Variants in JAK1 observed in about 807,000 individuals in gnomAD.
JAK1 encodes Janus kinase 1.
A neutral mutation model predicts 136.6 loss-of-function variants in JAK1; 16 were observed. That is an observed-to-expected ratio of 0.12 (90% CI 0.08 to 0.18). The LOEUF (loss-of-function observed/expected upper bound fraction) is 0.18. Ranked by LOEUF, JAK1 falls within the 10% of genes least tolerant of loss-of-function variation. The probability of loss-of-function intolerance (pLI) is 1.00; values close to 1 mark genes in which losing one functional copy is unlikely to be tolerated. For synonymous variants in JAK1, 492 were observed against 519.5 expected (o/e 0.95, Z 0.72); for missense variants, 859 against 1,450.1 (o/e 0.59, Z 6.62).
At chr1:64,938,152 CAA>C (rs2100497461) in intron 1 of JAK1, among the ~76,000 whole-genome samples, 1 of 149,916 alleles carries the variant, frequency 6.7e-6, no homozygotes, top group South Asian at 2.1e-4. Flanking sequence ...AGGAGAATGT[CAA>C]AGTCTTTAAG....
chr1:64,883,549 T>A, intron 2 of JAK1, 74 bp from the exon 3 acceptor site: 1 of 1,323,702 alleles, frequency 7.6e-7, no homozygotes, highest in Non-Finnish European at 1.1e-6. Context: ...GGGAGTGTTC[T>A]GAAGGTAAAA....
chr1:65,061,014 T>C (rs952775110), intron 1 of JAK1, among the ~76,000 whole-genome samples: 4 of 152,230 alleles, frequency 2.6e-5, no homozygotes, highest in Non-Finnish European at 4.4e-5. Flanking sequence ...ACTTCTTCTA[T>C]GTTAAAAATG....
At chr1:65,040,781 C>T (rs186522500) in intron 2 of JAK1, among the ~76,000 whole-genome samples, 16 of 152,004 alleles carry the variant, frequency 1.1e-4, no homozygotes, top group Admixed American at 5.2e-4. Context: ...AGGCATTTTG[C>T]GAGGGGCAAG....
At chr1:64,928,474 G>A (rs558926406) in intron 1 of JAK1, among the ~76,000 whole-genome samples, 81 of 152,222 alleles carry the variant, frequency 5.3e-4, no homozygotes, top group Non-Finnish European at 7.1e-4. Flanking sequence ...GCATTCATGT[G>A]CCTACACAAA....
intron 1 of JAK1, among the ~76,000 whole-genome samples, chr1:64,919,111 C>T (rs1645450669): frequency 6.6e-6 from 1 of 152,062 alleles, no homozygotes; most frequent in African/African-American, 2.4e-5. Flanking sequence ...TGGTGTGCTG[C>T]ACCTGTTAAC....
In JAK1 at chr1:64,838,491, G is replaced by A; in HGVS notation, c.2941C>T (p.Leu981=). The A allele has an allele frequency of 6.2e-7, 1 of 1,613,944 alleles. No individual in the cohort carries two copies. The highest frequency in any genetic ancestry group is 8.5e-7 in the Non-Finnish European group (1 of 1,179,892). The change falls in exon 21 of 25, where the codon CTA becomes TTA. Residue 981 remains leucine, a synonymous_variant. Coordinates refer to ENST00000342505, the MANE Select transcript of JAK1 (RefSeq NM_002227.4). ...NKNKINLKQQ[L]KYAVQICKGM... The stretch of plus-strand genomic sequence containing the variant: ...TTACAAATCTGAACGGCATATTTTA[G>A]CTGCTGTTTGAGGTTTATTTTGTTC...
At chr1:64,952,923 G>A (rs1228570140) in intron 1 of JAK1, among the ~76,000 whole-genome samples, 1 of 152,178 alleles carries the variant, frequency 6.6e-6, no homozygotes, top group Non-Finnish European at 1.5e-5. Flanking sequence ...TACAGATGAG[G>A]AAACTGAGGC....
At chr1:65,029,275 T>C (rs1557765167) in intron 2 of JAK1, among the ~76,000 whole-genome samples, 1 of 152,148 alleles carries the variant, frequency 6.6e-6, no homozygotes, top group South Asian at 2.1e-4. Context: ...TTTTTTTGTA[T>C]TTTTTGTAGA....
At chr1:65,056,485 GA>G (rs2100875553) in intron 1 of JAK1, among the ~76,000 whole-genome samples, 1 of 152,272 alleles carries the variant, frequency 6.6e-6, no homozygotes, top group South Asian at 2.1e-4. Flanking sequence ...GGATAAGAAA[GA>G]ACCTCTCTGT....
At chr1:64,874,517 T>C (rs1657275885) in intron 4 of JAK1, among the ~76,000 whole-genome samples, 1 of 152,112 alleles carries the variant, frequency 6.6e-6, no homozygotes, top group Admixed American at 6.6e-5. Context: ...TATGCATGGA[T>C]TGTCAATTGC....
intron 2 of JAK1, among the ~76,000 whole-genome samples, chr1:65,007,683 G>A (rs749771758): frequency 4.6e-5 from 7 of 151,122 alleles, no homozygotes; most frequent in East Asian, 1.9e-4. Flanking sequence ...GGCTAGTCTC[G>A]AACTCCTGAC....
intron 1 of JAK1, among the ~76,000 whole-genome samples, chr1:64,927,221 C>T (rs1645598030): frequency 6.6e-6 from 1 of 152,176 alleles, no homozygotes; most frequent in South Asian, 2.1e-4. Context: ...TCCCCTCCCC[C>T]CACTCCCCAG....
intron 2 of JAK1, among the ~76,000 whole-genome samples, chr1:65,029,020 T>G (rs1279245104): frequency 6.6e-6 from 1 of 152,188 alleles, no homozygotes; most frequent in Non-Finnish European, 1.5e-5. Flanking sequence ...ACTTTTACTA[T>G]GCAGGGGTCA....
intron 2 of JAK1, chr1:64,979,457 A>C (rs974415216): frequency 6.6e-6 from 1 of 152,224 alleles, no homozygotes; most frequent in African/African-American, 2.4e-5. Context: ...ACTTCTTCCC[A>C]AGTTCTAATA....
chr1:64,867,232 TCTC>T, intron 6 of JAK1, 24 bp from the exon 7 acceptor site: 1 of 1,520,640 alleles, frequency 6.6e-7, no homozygotes, highest in Non-Finnish European at 9.0e-7. Context: ...GAAAAGTACA[TCTC>T]CTTTTCATGT....
intron 1 of JAK1, among the ~76,000 whole-genome samples, chr1:64,916,271 A>T (rs1645394110): frequency 6.6e-6 from 1 of 152,230 alleles, no homozygotes; most frequent in Admixed American, 6.5e-5. Context: ...TTATTTGTGA[A>T]TCAAGAATAA....
At chr1:64,974,138 A>G (rs1009061089) in intron 2 of JAK1, 5 of 152,180 alleles carry the variant, frequency 3.3e-5, no homozygotes, top group African/African-American at 1.2e-4. Context: ...CACATTTGGT[A>G]TGGGTATCAC....
chr1:64,906,520 C>T (rs542169515), intron 1 of JAK1, among the ~76,000 whole-genome samples: 18 of 152,272 alleles, frequency 1.2e-4, no homozygotes, highest in African/African-American at 4.3e-4. Context: ...ATCTTTCTCT[C>T]ACATCCCACA....
chr1:64,838,192 C>A, intron 21 of JAK1, 88 bp from the exon 22 acceptor site: 1 of 1,319,800 alleles, frequency 7.6e-7, no homozygotes, highest in South Asian at 1.5e-5. Flanking sequence ...ATAGAAATGT[C>A]ATTTCATTCA....
Sources: allele counts gnomAD v4.1 joint callset (sites outside exome capture counted in the v4.1 genomes callset), GRCh38; gene constraint gnomAD v4.1.1; transcripts MANE v1.5; gene names NCBI Gene and HGNC (gene_info 2026-07-23, HGNC 2026-07-21).